Variants in KLF8 observed in about 807,000 individuals in gnomAD.
KLF8 encodes the protein KLF transcription factor 8.
In KLF8, 10 loss-of-function variants were observed where a neutral mutation model predicts 18.2. The ratio of observed to expected loss-of-function variants is 0.55; its 90% CI spans 0.34 to 0.93. The LOEUF (loss-of-function observed/expected upper bound fraction) is 0.93. KLF8 is among the 40% of genes least tolerant of loss of function. The pLI is 0.02. For synonymous variants in KLF8, 109 were observed against 97.3 expected (o/e 1.12, Z -0.71); for missense variants, 264 against 277.9 (o/e 0.95, Z 0.36).
chrX:56,005,148 T>A, the KLF8 span, among the ~76,000 whole-genome samples: 2 of 110,088 alleles, frequency 1.8e-5, no homozygotes, highest in Non-Finnish European at 1.9e-5. Context: ...GTTCAAGCAA[T>A]TCTCCTGCCT....
chrX:56,152,045 G>C, the KLF8 span, among the ~76,000 whole-genome samples: 1 of 111,755 alleles, frequency 8.9e-6, no homozygotes, highest in African/African-American at 3.2e-5. Flanking sequence ...TGACTGGCCT[G>C]CATAATTTAT....
At chrX:56,121,028 T>C in the KLF8 span, among the ~76,000 whole-genome samples, 1 of 107,670 alleles carries the variant, frequency 9.3e-6, no homozygotes, top group South Asian at 4.0e-4. Flanking sequence ...CTACTGAAAA[T>C]ACAAAAAATT....
chrX:56,207,311 T>C, the KLF8 span, among the ~76,000 whole-genome samples: 1 of 112,722 alleles, frequency 8.9e-6, no homozygotes, highest in East Asian at 2.8e-4. Context: ...TGGGTTTTTC[T>C]TTTTTATTGC....
intron 5 of KLF8, among the ~76,000 whole-genome samples, chrX:56,279,557 C>A (rs1343573873): frequency 8.9e-6 from 1 of 111,990 alleles, no homozygotes; most frequent in Non-Finnish European, 1.9e-5. Flanking sequence ...GATACTAGTT[C>A]AGCTTAGCTA....
the KLF8 span, among the ~76,000 whole-genome samples, chrX:56,068,823 G>A: frequency 1.8e-5 from 2 of 111,678 alleles, no homozygotes; most frequent in Non-Finnish European, 3.8e-5. Context: ...ACATCCAAAT[G>A]GCAGAGTACA....
chrX:56,232,976 A>C lies in KLF8; in HGVS notation c.-359A>C, dbSNP rs774298963. 96 of 265,989 alleles carry C rather than the reference A, an allele frequency of 3.6e-4. No individual in the cohort carries two copies. The East Asian group carries it at 6.1e-3, about 17-fold the overall frequency. 21.9% of individuals were successfully genotyped at this position (265,989 alleles called of 1,213,427 possible). On this transcript the variant is annotated 5_prime_UTR_variant, in exon 1 of 6. Coordinates refer to ENST00000468660, the MANE Select transcript of KLF8 (RefSeq NM_007250.5). The stretch of plus-strand genomic sequence containing the variant: ...AAGCTCTGGCCACTTCGGCCCAGCG[A>C]ACCCACTTTATTTTTGTCCAAGGAA...
the KLF8 span, among the ~76,000 whole-genome samples, chrX:56,025,502 C>A: frequency 1.3e-4 from 15 of 111,969 alleles, no homozygotes; most frequent in Non-Finnish European, 2.6e-4. Context: ...TATTGACACA[C>A]ATTTGTACAT....
chrX:56,014,876 C>A, the KLF8 span: 1 of 87,442 alleles, frequency 1.1e-5, no homozygotes, highest in Non-Finnish European at 2.1e-5. Flanking sequence ...CTGTTATCCT[C>A]AGCAAACTAA....
the KLF8 span, among the ~76,000 whole-genome samples, chrX:56,130,020 A>G: frequency 9.1e-6 from 1 of 110,037 alleles, no homozygotes; most frequent in Non-Finnish European, 1.9e-5. Flanking sequence ...CAGCCTCAGT[A>G]AGCCAGGCCC....
the KLF8 span, among the ~76,000 whole-genome samples, chrX:56,142,621 A>T: frequency 8.9e-6 from 1 of 112,056 alleles, no homozygotes; most frequent in Non-Finnish European, 1.9e-5. Context: ...CACCTACTTG[A>T]TATCTTTACT....
At chrX:56,172,875 C>A in the KLF8 span, among the ~76,000 whole-genome samples, 2 of 112,049 alleles carry the variant, frequency 1.8e-5, no homozygotes, top group African/African-American at 6.5e-5. Flanking sequence ...AGCATTTTTT[C>A]ATGTGTCTTT....
the KLF8 span, among the ~76,000 whole-genome samples, chrX:55,985,048 C>G: frequency 2.7e-5 from 3 of 110,024 alleles, no homozygotes; most frequent in East Asian, 5.7e-4. Context: ...AAATAGATTG[C>G]AAAATTGTTT....
At chrX:55,972,591 C>T in the KLF8 span, among the ~76,000 whole-genome samples, 2 of 110,833 alleles carry the variant, frequency 1.8e-5, no homozygotes, top group African/African-American at 6.5e-5. Context: ...CTACATTTAC[C>T]CTGATGTGAT....
chrX:56,023,465 A>G, the KLF8 span, among the ~76,000 whole-genome samples: 1 of 111,989 alleles, frequency 8.9e-6, no homozygotes, highest in East Asian at 2.8e-4. Flanking sequence ...TTTGAATATC[A>G]TGGCCAAAGT....
intron 3 of KLF8, chrX:56,269,145 C>T: frequency 6.2e-6 from 6 of 972,051 alleles, no homozygotes; most frequent in Non-Finnish European, 7.7e-6. Context: ...GGTATCAGAA[C>T]TCTTCATACT....
At chrX:56,150,449 G>A in the KLF8 span, among the ~76,000 whole-genome samples, 2 of 111,860 alleles carry the variant, frequency 1.8e-5, no homozygotes, top group African/African-American at 6.5e-5. Flanking sequence ...CTATCTGAAG[G>A]CAAAGAAGCT....
chrX:56,170,982 A>G, the KLF8 span, among the ~76,000 whole-genome samples: 1 of 112,149 alleles, frequency 8.9e-6, no homozygotes, highest in African/African-American at 3.2e-5. Context: ...TATATCTGGC[A>G]GCAGACTTTT....
the KLF8 span, among the ~76,000 whole-genome samples, chrX:56,177,541 CG>C: frequency 9.0e-6 from 1 of 111,008 alleles, no homozygotes; most frequent in African/African-American, 3.3e-5. Context: ...TTAGGCTACT[CG>C]GGGGTCAGGG....
the KLF8 span, among the ~76,000 whole-genome samples, chrX:56,050,517 T>C: frequency 3.7e-4 from 41 of 111,953 alleles, no homozygotes; most frequent in African/African-American, 1.2e-3. Flanking sequence ...GCCTTCATTT[T>C]GTTATGTACC....
Sources: gnomAD v4.1 joint callset for allele counts (sites outside exome capture counted in the v4.1 genomes callset) on GRCh38, gnomAD v4.1.1 for gene constraint, MANE v1.5 for transcripts, NCBI Gene and HGNC (gene_info 2026-07-23, HGNC 2026-07-21) for gene names.